CMIP: variants seen among roughly 807,000 people sequenced by gnomAD.
The protein encoded by CMIP is c-Maf inducing protein.
CMIP carries 13 observed loss-of-function variants against 97.3 expected under a neutral mutation model. The ratio of observed to expected loss-of-function variants is 0.13; its 90% CI spans 0.09 to 0.21. CMIP has a LOEUF of 0.21. Among genes scored for constraint, CMIP ranks in the 10% least tolerant of loss-of-function variants. The pLI, the probability that CMIP is intolerant of heterozygous loss-of-function variation, is 1.00. For synonymous variants in CMIP, 538 were observed against 436.3 expected, an observed-to-expected ratio of 1.23 and a Z score of -2.91; for missense variants, 847 against 1,024.9, an observed-to-expected ratio of 0.83 and a Z score of 2.37.
At chr16:81,687,848 C>A (rs529852477) in intron 10 of CMIP, among the ~76,000 whole-genome samples, 1 of 152,326 alleles carries the variant, frequency 6.6e-6, no homozygotes, top group African/African-American at 2.4e-5. Flanking sequence ...CCTCAGGAAA[C>A]TCCCGAAGCT....
chr16:81,546,586 A>C (rs965319709), intron 1 of CMIP, among the ~76,000 whole-genome samples: 1 of 152,210 alleles, frequency 6.6e-6, no homozygotes. Context: ...AGGTTACAGC[A>C]ATGAGCGAAC....
intron 20 of CMIP, among the ~76,000 whole-genome samples, chr16:81,708,514 G>A (rs1908406885): frequency 2.0e-5 from 3 of 152,252 alleles, no homozygotes; most frequent in South Asian, 4.1e-4. Context: ...ACTTTCAGTC[G>A]ATTTTTTTAT....
intron 1 of CMIP, among the ~76,000 whole-genome samples, chr16:81,602,684 C>G (rs1487277120): frequency 6.6e-6 from 1 of 152,222 alleles, no homozygotes; most frequent in Non-Finnish European, 1.5e-5. Context: ...GTATGCCTTA[C>G]ACTGCTCTTA....
At chr16:81,570,232 G>A (rs1027711727) in intron 1 of CMIP, among the ~76,000 whole-genome samples, 5 of 152,176 alleles carry the variant, frequency 3.3e-5, no homozygotes, top group African/African-American at 1.2e-4. Context: ...AGCCACAGAG[G>A]GGGTGGAGAA....
chr16:81,585,888 T>C (rs2091373955), intron 1 of CMIP, among the ~76,000 whole-genome samples: 1 of 152,176 alleles, frequency 6.6e-6, no homozygotes, highest in Non-Finnish European at 1.5e-5. Flanking sequence ...TAAGAGTTGC[T>C]GCCCCTGTCG....
intron 1 of CMIP, among the ~76,000 whole-genome samples, chr16:81,572,294 C>T (rs541394550): frequency 6.6e-6 from 1 of 152,330 alleles, no homozygotes; most frequent in South Asian, 2.1e-4. Flanking sequence ...GCCTGGACAT[C>T]CTCTGAGCAG....
At chr16:81,650,869 C>A (rs1036815255) in intron 3 of CMIP, among the ~76,000 whole-genome samples, 2 of 152,174 alleles carry the variant, frequency 1.3e-5, no homozygotes, top group African/African-American at 4.8e-5. Context: ...CAGATCTTTC[C>A]GACTCAGGTC....
intron 1 of CMIP, among the ~76,000 whole-genome samples, chr16:81,567,852 C>T (rs778597188): frequency 5.3e-5 from 8 of 152,096 alleles, no homozygotes; most frequent in Admixed American, 2.0e-4. Flanking sequence ...GCCCTGGGCA[C>T]GTAGTAGGTG....
intron 1 of CMIP, among the ~76,000 whole-genome samples, chr16:81,523,573 C>G (rs1280277603): frequency 1.3e-5 from 2 of 152,238 alleles, no homozygotes; most frequent in Non-Finnish European, 2.9e-5. Flanking sequence ...TCTGACAAAT[C>G]CAAATTCTCG....
At chr16:81,573,555 T>G (rs1348431456) in intron 1 of CMIP, among the ~76,000 whole-genome samples, 1 of 151,910 alleles carries the variant, frequency 6.6e-6, no homozygotes, top group East Asian at 1.9e-4. Flanking sequence ...GGTTAAAAAG[T>G]GGGTGTTTGT....
At chr16:81,491,133 G>A (rs148270071) in intron 1 of CMIP, among the ~76,000 whole-genome samples, 1,951 of 152,240 alleles carry the variant, frequency 0.013, 20 homozygotes, top group Non-Finnish European at 0.018. Context: ...GTGGGGTCTG[G>A]CCATTACCCT....
intron 1 of CMIP, among the ~76,000 whole-genome samples, chr16:81,572,028 C>T (rs998568372): frequency 4.6e-5 from 7 of 152,204 alleles, no homozygotes; most frequent in African/African-American, 1.4e-4. Flanking sequence ...CTCACCAGGA[C>T]GGCCTTGGCC....
intron 14 of CMIP, among the ~76,000 whole-genome samples, chr16:81,698,711 G>A (rs1907046592): frequency 6.6e-6 from 1 of 152,154 alleles, no homozygotes; most frequent in Non-Finnish European, 1.5e-5. Context: ...TTCATCTCCA[G>A]AACGTTCTTA....
intron 1 of CMIP, among the ~76,000 whole-genome samples, chr16:81,463,511 T>A (rs1907014490): frequency 6.6e-6 from 1 of 152,244 alleles, no homozygotes. Flanking sequence ...TTTGTTTTTA[T>A]GAGCGTGCTG....
chr16:81,487,273 G>A (rs1328351406), intron 1 of CMIP, among the ~76,000 whole-genome samples: 3 of 152,092 alleles, frequency 2.0e-5, no homozygotes. Flanking sequence ...TTGAGAAATG[G>A]TGGCCTCTGC....
At chr16:81,639,931 C>A (rs368913930) in intron 3 of CMIP, among the ~76,000 whole-genome samples, 14 of 152,140 alleles carry the variant, frequency 9.2e-5, no homozygotes, top group African/African-American at 3.1e-4. Flanking sequence ...ACATAGGAAG[C>A]CCGGGGATGT....
rs1488695380 is a variant in CMIP, at chr16:81,674,319, A to G, written c.1034+2249A>G. Among the ~76,000 whole-genome samples, 9 of 152,146 alleles carry G rather than the reference A, an allele frequency of 5.9e-5. 1 individual carries two copies. The highest frequency in any genetic ancestry group is 2.1e-4 in the South Asian group (1 of 4,836). The stretch of plus-strand genomic sequence containing the variant: ...CCTGCCCTTTTGTATTTTTAGTAGA[A>G]ATGGGGTTTCACCATGTTAGCCAGG... On this transcript the variant is annotated intron_variant, in intron 9 of 20. Transcript: ENST00000537098.
chr16:81,705,371 G>A, intron 18 of CMIP, 128 bp from the exon 19 acceptor site: 1 of 650,748 alleles, frequency 1.5e-6, no homozygotes, highest in South Asian at 2.0e-5. Context: ...CCAGACCCCA[G>A]GGCTTGGTGG....
rs538992908 is a variant in CMIP at position 81,474,842 on chromosome 16, C to G, written c.300+29301C>G. ...GCCTAGGCCCTGCCAGCCTGGCTGC[C>G]CTGCCTCCAGCCATGGGGGGCGGGC... On this transcript the variant is annotated intron_variant, in intron 1 of 20. Coordinates refer to ENST00000537098, the MANE Select transcript of CMIP (RefSeq NM_198390.3). Among the ~76,000 whole-genome samples, 66 of 152,338 alleles carry G rather than the reference C, an allele frequency of 4.3e-4. 2 individuals are homozygous for G. The East Asian group carries it at 0.013, about 29-fold the overall frequency.
Sources: gnomAD v4.1 joint callset for allele counts (sites outside exome capture counted in the v4.1 genomes callset) on GRCh38, gnomAD v4.1.1 for gene constraint, MANE v1.5 for transcripts, NCBI Gene and HGNC (gene_info 2026-07-23, HGNC 2026-07-21) for gene names.